Variants in SERPINB13 observed in about 807,000 individuals in gnomAD.
SERPINB13 encodes serpin family B member 13.
SERPINB13 carries 26 observed loss-of-function variants against 31.2 expected under a neutral mutation model. That is an observed-to-expected ratio of 0.83 (90% CI 0.61 to 1.15). The LOEUF (loss-of-function observed/expected upper bound fraction) is 1.15. Ranked by LOEUF, SERPINB13 falls within the 50% of genes most tolerant of loss-of-function variation. The pLI is 0.00. For synonymous variants in SERPINB13, 191 were observed against 172.4 expected, an observed-to-expected ratio of 1.11 and a Z score of -0.85; for missense variants, 510 against 469.4, an observed-to-expected ratio of 1.09 and a Z score of -0.80.
rs556652251 is a variant in SERPINB13, at chr18:63,590,354, C to A, written c.225+639C>A. Reference sequence around the variant, plus strand: ...CCATTAGGTCGGGGCTAGGATCAGACGTTAGCACTCTCAGGAAGGGCACAG... The same window carrying A: ...CCATTAGGTCGGGGCTAGGATCAGAAGTTAGCACTCTCAGGAAGGGCACAG... On this transcript the variant is annotated intron_variant, in intron 3 of 7. Transcript: ENST00000344731. 2.0e-5 allele frequency among the ~76,000 whole-genome samples: 3 copies of A among 152,272 alleles called. No homozygotes were observed. The South Asian group carries it at 6.2e-4, about 32-fold the overall frequency.
Position 63,588,647 on chromosome 18 carries a change from C to G in SERPINB13, c.-17-4C>G, listed in dbSNP as rs1448071191. On this transcript the variant is annotated splice_polypyrimidine_tract_variant and splice_region_variant and intron_variant, in intron 1 of 7. Transcript: ENST00000344731. ...AGTTTTGATTGTTGTTCTTGCTATTCTAGGTCTCGCTAAAATCATCATGGA... is the reference window on the plus strand; with the variant it reads ...AGTTTTGATTGTTGTTCTTGCTATTGTAGGTCTCGCTAAAATCATCATGGA... 1 of 1,613,744 alleles carries G rather than the reference C, an allele frequency of 6.2e-7. No individual in the cohort carries two copies. Among genetic ancestry groups the G allele is most frequent in the South Asian group, 1.1e-5 (1 of 91,038 alleles).
rs1408706550 is a variant in SERPINB13, at chr18:63,588,849, G to T, written c.165+17G>T. 4 of 1,608,408 alleles carry T rather than the reference G, an allele frequency of 2.5e-6. No individual in the cohort carries two copies. Among genetic ancestry groups the T allele is most frequent in the African/African-American group, 1.4e-5 (1 of 73,848 alleles). ...TTGGAGGAGGTTGGGCGCAGTCAGG[G>T]GGCTTCCTTGTTTCCTATGCACAAA... On this transcript the variant is annotated intron_variant, in intron 2 of 7. Coordinates refer to ENST00000344731, the MANE Select transcript of SERPINB13 (RefSeq NM_012397.4).
intron 3 of SERPINB13, among the ~76,000 whole-genome samples, chr18:63,591,258 T>C (rs1372209438): frequency 1.3e-5 from 2 of 152,220 alleles, no homozygotes; most frequent in African/African-American, 4.8e-5. Flanking sequence ...TTGATTATTT[T>C]TGGCTTAGCA....
chr18:63,591,477 A>G (rs534869253), intron 3 of SERPINB13, among the ~76,000 whole-genome samples: 2 of 146,424 alleles, frequency 1.4e-5, no homozygotes, highest in South Asian at 2.1e-4. Flanking sequence ...CCTTCTACAA[A>G]CAATGCAAAA....
rs191405968 is a variant in SERPINB13 at position 63,588,683 on chromosome 18, G to A, written c.16G>A (p.Ala6Thr). Residue 6 changes from alanine (A) to threonine (T), a missense_variant, in exon 2 of 8, where the codon GCC becomes ACC. Physicochemically the swap from Ala to Thr is moderately conservative, Grantham distance 58 (BLOSUM62 0). Transcript: ENST00000344731. The part of the protein sequence containing the change: MDSLG[A>T]VSTRLGFDLF... ...TAAAATCATCATGGATTCACTTGGC[G>A]CCGTCAGCACTCGACTTGGGTTTGA... 2.0e-5 allele frequency: 32 copies of A among 1,614,120 alleles called. No individual in the cohort carries two copies. In the Admixed American group the frequency reaches 3.2e-4, roughly 16 times the overall value.
Position 63,597,706 on chromosome 18 carries a change from G to C in SERPINB13, c.*343G>C, listed in dbSNP as rs550330330. On this transcript the variant is annotated 3_prime_UTR_variant, in exon 8 of 8. Coordinates refer to ENST00000344731, the MANE Select transcript of SERPINB13 (RefSeq NM_012397.4). Reference sequence around the variant, plus strand: ...AGAGTACGAACTAGTAATTTTGGGGGGTCTCTCTAATTCTGGTATTTTGAC... The same window carrying C: ...AGAGTACGAACTAGTAATTTTGGGGCGTCTCTCTAATTCTGGTATTTTGAC... 4.8e-4 allele frequency: 93 copies of C among 194,236 alleles called. No individual in the cohort carries two copies. Among genetic ancestry groups the C allele is most frequent in the Middle Eastern group, 4.5e-3 (2 of 442 alleles). 12.0% of individuals were successfully genotyped at this position (194,236 alleles called of 1,614,324 possible).
chr18:63,593,661 T>G (rs902238638), intron 5 of SERPINB13, among the ~76,000 whole-genome samples: 1 of 152,224 alleles, frequency 6.6e-6, no homozygotes, highest in African/African-American at 2.4e-5. Flanking sequence ...AGTTTCAGAT[T>G]CCATTTTTAT....
chr18:63,589,023 G>A (rs1253430612), intron 2 of SERPINB13, among the ~76,000 whole-genome samples, 191 bp downstream of exon 2: 1 of 151,982 alleles, frequency 6.6e-6, no homozygotes, highest in African/African-American at 2.4e-5. Context: ...ATACCATCTC[G>A]CCACCTGCTC....
Position 63,588,801 on chromosome 18 carries a change from C to G in SERPINB13, c.134C>G (p.Thr45Ser). 6.2e-7 allele frequency: 1 copy of G among 1,614,084 alleles called. No homozygotes were observed. Among genetic ancestry groups the G allele is most frequent in the Non-Finnish European group, 8.5e-7 (1 of 1,179,998 alleles). Residue 45 changes from threonine to serine, a missense_variant, in exon 2 of 8, where the codon ACC becomes AGC. Transcript: ENST00000344731. ...GCAATTGGCATGGTCCTCCTGGGGA[C>G]CCGAGGAGCCACCGCTTCCCAGTTG... ...LTAIGMVLLG[T>S]RGATASQLEE...
At chr18:63,590,945 T>C (rs2051617641) in intron 3 of SERPINB13, among the ~76,000 whole-genome samples, 1 of 152,212 alleles carries the variant, frequency 6.6e-6, no homozygotes, top group South Asian at 2.1e-4. Flanking sequence ...GTTTGATTAT[T>C]ATGTAAATTC....
chr18:63,598,534 C>T lies in SERPINB13; in HGVS notation c.*1171C>T, dbSNP rs752848385. The T allele has an allele frequency of 4.6e-5, 7 of 152,046 alleles. No homozygotes were observed. The highest frequency in any genetic ancestry group is 1.0e-4 in the Non-Finnish European group (7 of 67,986). The allele number at this position is 152,046 out of a possible 1,614,324, so 9.4% of individuals were successfully genotyped here. ...AATACATGTAGTATTTTGTGTCTGG[C>T]GTCTTGCACTTAGCATGGTGTTCTT... On this transcript the variant is annotated 3_prime_UTR_variant, in exon 8 of 8. Transcript: ENST00000344731.
chr18:63,589,629 C>G (rs760356277), intron 2 of SERPINB13, 27 bp from the exon 3 acceptor site: 3 of 1,610,194 alleles, frequency 1.9e-6, no homozygotes, highest in South Asian at 1.1e-5. Context: ...CTCTGAGCAC[C>G]ACAGTAATAT....
chr18:63,589,781 T>G, intron 3 of SERPINB13, 66 bp downstream of exon 3: 1 of 1,611,440 alleles, frequency 6.2e-7, no homozygotes, highest in East Asian at 2.2e-5. Context: ...TAGAGTTGCA[T>G]TTTAGGTGTG....
chr18:63,596,925 T>A, intron 7 of SERPINB13, 34 bp from the exon 8 acceptor site: 1 of 1,517,884 alleles, frequency 6.6e-7, no homozygotes, highest in South Asian at 1.3e-5. Context: ...TTATTGATAA[T>A]CATGCCATTC....
chr18:63,588,260 G>A (rs1911625455), intron 1 of SERPINB13, among the ~76,000 whole-genome samples: 1 of 152,160 alleles, frequency 6.6e-6, no homozygotes, highest in South Asian at 2.1e-4. Context: ...CCTTATCATG[G>A]GCCCCACATC....
intron 5 of SERPINB13, among the ~76,000 whole-genome samples, chr18:63,593,504 G>A (rs1418541373): frequency 5.3e-5 from 8 of 152,098 alleles, no homozygotes; most frequent in Admixed American, 4.6e-4. Flanking sequence ...CAGGGGTAAC[G>A]ACAACCTACA....
chr18:63,597,631 G>C lies in SERPINB13; in HGVS notation c.*268G>C, dbSNP rs964122607. 2.7e-6 allele frequency: 1 copy of C among 374,584 alleles called. No homozygotes were observed. Among genetic ancestry groups the C allele is most frequent in the African/African-American group, 2.0e-5 (1 of 49,722 alleles). 23.2% of individuals were successfully genotyped at this position (374,584 alleles called of 1,614,324 possible). A position where few individuals can be genotyped will look rare whatever the true frequency, so the allele number is the denominator to read the frequency against. On this transcript the variant is annotated 3_prime_UTR_variant, in exon 8 of 8. Transcript: ENST00000344731. ...CTTTGGTTTCCTTTGAAAGTAAATT[G>C]GTATCTTGTAGTTTTGTGCACACGA...
intron 5 of SERPINB13, among the ~76,000 whole-genome samples, chr18:63,593,792 A>AT (rs984611785): frequency 2.0e-5 from 3 of 152,172 alleles, no homozygotes; most frequent in Non-Finnish European, 4.4e-5. Context: ...GTTGAACAGT[A>AT]TTTTTTAGAA....
rs1912329684 is a variant in SERPINB13, at chr18:63,598,705, A to C, written c.*1342A>C. ...TCCCACTTCTTGGCTGTTAGGAATA[A>C]TGTTGCTCTGAACATGTAAATAAAG... On this transcript the variant is annotated 3_prime_UTR_variant, in exon 8 of 8. Coordinates refer to ENST00000344731, the MANE Select transcript of SERPINB13 (RefSeq NM_012397.4). The C allele has an allele frequency of 1.3e-5, 2 of 152,214 alleles. No homozygotes were observed. Among genetic ancestry groups the C allele is most frequent in the South Asian group, 4.1e-4 (2 of 4,832 alleles). 9.4% of individuals were successfully genotyped at this position (152,214 alleles called of 1,614,324 possible).
Sources: allele counts gnomAD v4.1 joint callset (sites outside exome capture counted in the v4.1 genomes callset), GRCh38; gene constraint gnomAD v4.1.1; transcripts MANE v1.5; gene names NCBI Gene and HGNC (gene_info 2026-07-23, HGNC 2026-07-21).